NEGR1: variants seen among roughly 807,000 people sequenced by gnomAD.
NEGR1 encodes the protein neuronal growth regulator 1, also known as IgLON family member 4.
Under a neutral mutation model 40.9 loss-of-function variants are expected in NEGR1, and 10 were observed. That is an observed-to-expected ratio of 0.24 (90% CI 0.15 to 0.42). The LOEUF (loss-of-function observed/expected upper bound fraction) is 0.42. Among genes scored for constraint, NEGR1 ranks in the 10% least tolerant of loss-of-function variants. NEGR1 has a pLI of 1.00. For synonymous variants in NEGR1, 185 were observed against 166.8 expected (o/e 1.11, Z -0.84); for missense variants, 352 against 438.9 (o/e 0.80, Z 1.77).
intron 3 of NEGR1, among the ~76,000 whole-genome samples, chr1:71,702,279 C>G (rs1370063792): frequency 6.6e-6 from 1 of 151,910 alleles, no homozygotes; most frequent in East Asian, 1.9e-4. Context: ...AGATTGTTTC[C>G]CTTTCAAAGT....
intron 2 of NEGR1, among the ~76,000 whole-genome samples, chr1:71,878,959 C>T (rs1478193309): frequency 1.3e-5 from 2 of 151,890 alleles, no homozygotes; most frequent in Non-Finnish European, 1.5e-5. Flanking sequence ...CATAGAGAAA[C>T]CCCGTCTCTA....
rs1333059435 is a variant in NEGR1 at position 71,514,134 on chromosome 1, A to G, written c.940+78683T>C. On this transcript the variant is annotated intron_variant, in intron 6 of 6. Transcript: ENST00000357731. ...TCTGAGATCAAACTGCAAGGCGGCAACGAGGCTGGGGAAGGGGCGCCCGCC... is the reference window on the plus strand; with the variant it reads ...TCTGAGATCAAACTGCAAGGCGGCAGCGAGGCTGGGGAAGGGGCGCCCGCC... Among the ~76,000 whole-genome samples, 15 of 145,340 alleles carry G rather than the reference A, an allele frequency of 1.0e-4. No homozygotes were observed. In the East Asian group the frequency reaches 3.4e-3, roughly 33 times the overall value.
At chr1:71,947,680 C>T (rs951914530) in intron 1 of NEGR1, among the ~76,000 whole-genome samples, 1 of 151,932 alleles carries the variant, frequency 6.6e-6, no homozygotes, top group African/African-American at 2.4e-5. Flanking sequence ...TATGATTCTA[C>T]ATGTTCAACA....
At chr1:72,250,837 ATAGGGCTGTATC>A (rs746737641) in intron 1 of NEGR1, among the ~76,000 whole-genome samples, 7 of 152,226 alleles carry the variant, frequency 4.6e-5, no homozygotes, top group Non-Finnish European at 1.0e-4. Flanking sequence ...GCAATCCGCA[ATAGGGCTGTATC>A]TATACAGCCT....
chr1:71,686,122 A>G (rs1478843574), intron 4 of NEGR1, among the ~76,000 whole-genome samples: 1 of 152,148 alleles, frequency 6.6e-6, no homozygotes, highest in Non-Finnish European at 1.5e-5. Flanking sequence ...AAAATCCATT[A>G]TCTCTCTACT....
chr1:71,399,779 G>GGA lies in NEGR1; in HGVS notation c.*7665_*7666dup, dbSNP rs1199374359. On this transcript the variant is annotated 3_prime_UTR_variant, in exon 7 of 7. Coordinates refer to ENST00000357731, the MANE Select transcript of NEGR1 (RefSeq NM_173808.3). ...AGGTCACTTGTCAAGTACTTGGTAG[G>GGA]GAGATGTCAAGTTTCAGGGCAACCA... is the stretch of plus-strand genomic sequence containing the variant. The GGA allele has an allele frequency of 2.0e-5, 3 of 152,138 alleles. No individual in the cohort carries two copies. The highest frequency in any genetic ancestry group is 4.4e-5 in the Non-Finnish European group (3 of 68,028). The allele number at this position is 152,138 out of a possible 1,614,324, so 9.4% of individuals were successfully genotyped here.
At chr1:71,428,101 C>T (rs1506449) in intron 6 of NEGR1, among the ~76,000 whole-genome samples, 202 of 152,230 alleles carry the variant, frequency 1.3e-3, no homozygotes, top group Middle Eastern at 3.4e-3. Flanking sequence ...CAGAGGAAGA[C>T]TGAGAATTCT....
chr1:71,942,945 C>T (rs560329976), intron 1 of NEGR1, among the ~76,000 whole-genome samples: 10 of 139,028 alleles, frequency 7.2e-5, no homozygotes, highest in Non-Finnish European at 1.4e-4. Flanking sequence ...GTCACCATGC[C>T]TGGCCCTAAG....
At chr1:71,506,401 T>C (rs558999982) in intron 6 of NEGR1, among the ~76,000 whole-genome samples, 2 of 152,190 alleles carry the variant, frequency 1.3e-5, no homozygotes, top group South Asian at 4.2e-4. Context: ...CCATCCTGTC[T>C]CTTGGAGGTG....
intron 2 of NEGR1, among the ~76,000 whole-genome samples, chr1:71,895,743 C>T (rs565796654): frequency 2.0e-5 from 3 of 152,204 alleles, no homozygotes; most frequent in African/African-American, 4.8e-5. Flanking sequence ...TCATCAGTAA[C>T]GCTGCTAAGA....
chr1:71,618,258 C>A (rs184166085), intron 4 of NEGR1, among the ~76,000 whole-genome samples: 1 of 152,260 alleles, frequency 6.6e-6, no homozygotes. Flanking sequence ...AATGGATCTG[C>A]GACCCATTTG....
At chr1:71,880,700 A>G (rs998140618) in intron 2 of NEGR1, among the ~76,000 whole-genome samples, 1 of 151,982 alleles carries the variant, frequency 6.6e-6, no homozygotes, top group African/African-American at 2.4e-5. Flanking sequence ...TACTGCCTTC[A>G]ATTCTGACTG....
rs201917264 is a variant in NEGR1, at chr1:71,773,775, GCA to G, written c.535+2395_535+2396del. On this transcript the variant is annotated intron_variant, in intron 3 of 6. Transcript: ENST00000357731. Reference sequence around the variant, plus strand: ...GGCAGAATCAGAAAAACAAATCTATGCACAGTTTAACTTATAAACCCAATCTG... The same window carrying G: ...GGCAGAATCAGAAAAACAAATCTATGCAGTTTAACTTATAAACCCAATCTG... Among the ~76,000 whole-genome samples the G allele has an allele frequency of 3.4e-3, 517 of 152,164 alleles. 17 individuals carry two copies. In the South Asian group the frequency reaches 0.068, roughly 20 times the overall value.
chr1:71,898,804 T>G (rs1156797756), intron 2 of NEGR1, among the ~76,000 whole-genome samples: 2 of 148,514 alleles, frequency 1.3e-5, no homozygotes, highest in East Asian at 3.9e-4. Flanking sequence ...AGCAAGTATA[T>G]GTATACATAT....
chr1:72,068,861 T>C (rs1490580081), intron 1 of NEGR1, among the ~76,000 whole-genome samples: 1 of 152,160 alleles, frequency 6.6e-6, no homozygotes, highest in Non-Finnish European at 1.5e-5. Flanking sequence ...GCTAAATATG[T>C]AATCATTTAA....
chr1:71,813,306 C>A (rs903283705), intron 2 of NEGR1, among the ~76,000 whole-genome samples: 3 of 152,066 alleles, frequency 2.0e-5, no homozygotes, highest in African/African-American at 7.2e-5. Flanking sequence ...TGTTTTTGTG[C>A]CAGTACCACG....
intron 1 of NEGR1, among the ~76,000 whole-genome samples, chr1:72,075,445 C>T (rs1392515725): frequency 6.6e-6 from 1 of 152,090 alleles, no homozygotes; most frequent in Non-Finnish European, 1.5e-5. Flanking sequence ...AGACTATATA[C>T]TGGAATTAAA....
chr1:71,592,821 A>G lies in NEGR1; in HGVS notation c.936T>C (p.Leu312=), dbSNP rs747370540. 8.1e-6 allele frequency: 13 copies of G among 1,611,924 alleles called. No individual in the cohort carries two copies. Among genetic ancestry groups the G allele is most frequent in the Non-Finnish European group, 1.1e-5 (13 of 1,178,478 alleles). Reference sequence around the variant, plus strand: ...TGGTACCATTGCATTACTTACGGTTAAGAGGCAGGCTCGCATTGGTTGTGC... The same window carrying G: ...TGGTACCATTGCATTACTTACGGTTGAGAGGCAGGCTCGCATTGGTTGTGC... ...KLGTTNASLP[L]NPPSTAQYGI... The change falls in exon 6 of 7, where the codon CTT becomes CTC. Residue 312 remains leucine (L), a synonymous_variant. Transcript: ENST00000357731.
intron 6 of NEGR1, among the ~76,000 whole-genome samples, chr1:71,572,607 G>C (rs572985255): frequency 1.3e-5 from 2 of 152,272 alleles, no homozygotes; most frequent in East Asian, 3.9e-4. Context: ...CCATGTACGC[G>C]TGAGGTCTGG....
Sources: gnomAD v4.1 joint callset for allele counts (sites outside exome capture counted in the v4.1 genomes callset) on GRCh38, gnomAD v4.1.1 for gene constraint, MANE v1.5 for transcripts, NCBI Gene and HGNC (gene_info 2026-07-23, HGNC 2026-07-21) for gene names.